CAMKMT: variants seen among roughly 807,000 people sequenced by gnomAD.
CAMKMT encodes CaM KMT.
In CAMKMT, 53 loss-of-function variants were observed where a neutral mutation model predicts 48.0. The ratio of observed to expected loss-of-function variants is 1.10; its 90% CI spans 0.89 to 1.39. CAMKMT has a LOEUF of 1.39. Ranked by LOEUF, CAMKMT falls within the 40% of genes most tolerant of loss-of-function variation. The probability of loss-of-function intolerance (pLI) is 0.00; values close to 1 mark genes in which losing one functional copy is unlikely to be tolerated. For synonymous variants in CAMKMT, 165 were observed against 152.3 expected (o/e 1.08, Z -0.61); for missense variants, 428 against 402.7 (o/e 1.06, Z -0.54).
intron 3 of CAMKMT, among the ~76,000 whole-genome samples, chr2:44,634,116 T>C (rs531363096): frequency 2.0e-5 from 3 of 152,146 alleles, no homozygotes; most frequent in Non-Finnish European, 2.9e-5. Flanking sequence ...TTTTTTTGCC[T>C]AGCCTGATGG....
chr2:44,378,597 G>A (rs1051944675), intron 2 of CAMKMT, among the ~76,000 whole-genome samples: 18 of 152,076 alleles, frequency 1.2e-4, no homozygotes, highest in African/African-American at 3.4e-4. Flanking sequence ...GGGTTCAAGC[G>A]ATTCTCCTGC....
chr2:44,560,196 T>G (rs1668247932), intron 3 of CAMKMT, among the ~76,000 whole-genome samples: 1 of 152,240 alleles, frequency 6.6e-6, no homozygotes, highest in Non-Finnish European at 1.5e-5. Flanking sequence ...TGGCCAGTTT[T>G]TCTTAGTCTT....
intron 6 of CAMKMT, among the ~76,000 whole-genome samples, chr2:44,711,085 G>C (rs1677852396): frequency 6.6e-6 from 1 of 152,146 alleles, no homozygotes; most frequent in Non-Finnish European, 1.5e-5. Context: ...AATAAGTGAA[G>C]CTTCGTGTGG....
intron 3 of CAMKMT, among the ~76,000 whole-genome samples, chr2:44,419,422 C>G (rs567045915): frequency 1.8e-4 from 28 of 152,292 alleles, no homozygotes; most frequent in African/African-American, 6.7e-4. Context: ...TTGAACTCAG[C>G]AGTTCTAGTG....
intron 3 of CAMKMT, among the ~76,000 whole-genome samples, chr2:44,570,472 A>G (rs1191546894): frequency 6.6e-6 from 1 of 152,216 alleles, no homozygotes; most frequent in African/African-American, 2.4e-5. Context: ...CATTCCAGGA[A>G]CTTTACAAAA....
intron 9 of CAMKMT, among the ~76,000 whole-genome samples, chr2:44,765,497 A>G (rs1314586776): frequency 1.3e-5 from 2 of 151,642 alleles, no homozygotes; most frequent in Admixed American, 1.3e-4. Context: ...CCTTGAGAGT[A>G]ACAGAAGCAT....
chr2:44,583,400 A>T (rs1669675632), intron 3 of CAMKMT, among the ~76,000 whole-genome samples: 1 of 152,192 alleles, frequency 6.6e-6, no homozygotes, highest in African/African-American at 2.4e-5. Context: ...AAAATTCAGG[A>T]TGTTAGAGGA....
At chr2:44,363,938 G>A (rs1453466342) in intron 1 of CAMKMT, among the ~76,000 whole-genome samples, 1 of 150,132 alleles carries the variant, frequency 6.7e-6, no homozygotes, top group Non-Finnish European at 1.5e-5. Context: ...TGATTCACTT[G>A]CCTCGCCTCC....
chr2:44,383,558 T>G (rs896732492), intron 2 of CAMKMT, among the ~76,000 whole-genome samples: 3 of 152,180 alleles, frequency 2.0e-5, no homozygotes, highest in Non-Finnish European at 4.4e-5. Flanking sequence ...TTTTGTGGTG[T>G]TCTGTGAGAT....
intron 4 of CAMKMT, 33 bp downstream of exon 4, chr2:44,704,376 C>A: frequency 1.4e-6 from 2 of 1,424,632 alleles, no homozygotes; most frequent in Non-Finnish European, 1.9e-6. Context: ...TTTTTTAGCC[C>A]ATCACGGATA....
rs1040395036 is a variant in CAMKMT, at chr2:44,592,119, C to A, written c.377-112164C>A. Among the ~76,000 whole-genome samples, 3 of 151,744 alleles carry A rather than the reference C, an allele frequency of 2.0e-5. No homozygotes were observed. In the South Asian group the frequency reaches 6.2e-4, roughly 32 times the overall value. On this transcript the variant is annotated intron_variant, in intron 3 of 10. Coordinates refer to ENST00000378494, the MANE Select transcript of CAMKMT (RefSeq NM_024766.5). ...AGGAGATACACCTAATGCTAAATGA[C>A]GAGTTAATGGGTGCAGCACACCAGC... is the stretch of plus-strand genomic sequence containing the variant.
chr2:44,570,388 A>C (rs1311236525), intron 3 of CAMKMT, among the ~76,000 whole-genome samples: 2 of 152,162 alleles, frequency 1.3e-5, no homozygotes, highest in East Asian at 3.8e-4. Flanking sequence ...TTTATGACTG[A>C]ACTATGATGA....
At chr2:44,633,012 C>T (rs1318325182) in intron 3 of CAMKMT, among the ~76,000 whole-genome samples, 3 of 151,950 alleles carry the variant, frequency 2.0e-5, no homozygotes, top group Non-Finnish European at 2.9e-5. Flanking sequence ...TAGTTCTTTC[C>T]CTCTAGAGAA....
At chr2:44,597,818 C>A (rs1322386583) in intron 3 of CAMKMT, among the ~76,000 whole-genome samples, 1 of 152,038 alleles carries the variant, frequency 6.6e-6, no homozygotes, top group South Asian at 2.1e-4. Flanking sequence ...CTCACTGCAA[C>A]CTTCACCTCC....
At chr2:44,394,958 A>G in intron 3 of CAMKMT, 1 of 455,286 alleles carries the variant, frequency 2.2e-6, no homozygotes, top group Non-Finnish European at 4.4e-6. Context: ...CAAGAATTTG[A>G]GGCAAGCCTG....
chr2:44,546,202 C>CACACACACACACACACACAT (rs1205658214), intron 3 of CAMKMT, among the ~76,000 whole-genome samples: 6 of 138,922 alleles, frequency 4.3e-5, no homozygotes, highest in Admixed American at 1.6e-4. Context: ...CACACACACA[C>CACACACACACACACACACAT]ATACATGCAC....
At chr2:44,693,401 G>T (rs1475806448) in intron 3 of CAMKMT, among the ~76,000 whole-genome samples, 2 of 152,036 alleles carry the variant, frequency 1.3e-5, no homozygotes, top group African/African-American at 4.8e-5. Context: ...ATTTATTCTA[G>T]AGTTCCACTG....
chr2:44,459,380 A>G (rs193049772), intron 3 of CAMKMT, among the ~76,000 whole-genome samples: 4 of 152,304 alleles, frequency 2.6e-5, no homozygotes, highest in East Asian at 3.9e-4. Context: ...TTTTGTGCAC[A>G]TTAAATGCCT....
intron 3 of CAMKMT, among the ~76,000 whole-genome samples, chr2:44,446,429 C>A (rs192262080): frequency 1.3e-5 from 2 of 152,240 alleles, no homozygotes; most frequent in Non-Finnish European, 2.9e-5. Context: ...TCACTGCAAC[C>A]TCTGCCTCCT....
Sources: allele counts gnomAD v4.1 joint callset (sites outside exome capture counted in the v4.1 genomes callset), GRCh38; gene constraint gnomAD v4.1.1; transcripts MANE v1.5; gene names NCBI Gene and HGNC (gene_info 2026-07-23, HGNC 2026-07-21).